PRAMEF4: variants seen among roughly 807,000 people sequenced by gnomAD.
PRAMEF4 encodes PRAME family member 4.
PRAMEF4 carries 18 observed loss-of-function variants against 34.4 expected under a neutral mutation model. That is an observed-to-expected ratio of 0.52 (90% CI 0.36 to 0.78). The LOEUF (loss-of-function observed/expected upper bound fraction) is 0.78, where lower values mean the gene tolerates loss of function less well. PRAMEF4 is among the 30% of genes least tolerant of loss of function. PRAMEF4 has a pLI of 0.00. For missense variants in PRAMEF4, 482 were observed against 569.1 expected (o/e 0.85, Z 1.56); for synonymous variants, 156 against 219.3 (o/e 0.71, Z 2.55).
intron 3 of PRAMEF4, among the ~76,000 whole-genome samples, chr1:12,880,344 G>A (rs1456566520): frequency 6.6e-6 from 1 of 150,624 alleles, no homozygotes; most frequent in Non-Finnish European, 1.5e-5. Context: ...GGGAGGCTGA[G>A]ACTGGTGGAT....
chr1:12,882,649 G>T (rs1418132492), intron 2 of PRAMEF4, among the ~76,000 whole-genome samples: 3 of 147,106 alleles, frequency 2.0e-5, no homozygotes, highest in Non-Finnish European at 4.5e-5. Context: ...AGAGTGCAGT[G>T]GTGTGATGTC....
intron 1 of PRAMEF4, among the ~76,000 whole-genome samples, chr1:12,884,434 G>T (rs533182829): frequency 2.7e-5 from 4 of 149,644 alleles, no homozygotes; most frequent in South Asian, 4.3e-4. Flanking sequence ...AACCACTTTG[G>T]CTGGGTGCAG....
intron 1 of PRAMEF4, among the ~76,000 whole-genome samples, chr1:12,883,820 G>A (rs5029852): frequency 4.1e-5 from 6 of 146,782 alleles, no homozygotes; most frequent in African/African-American, 1.3e-4. Flanking sequence ...CATTCATGGG[G>A]CATCCCTAGA....
intron 2 of PRAMEF4, 26 bp downstream of exon 2, chr1:12,883,076 C>A: frequency 6.3e-7 from 1 of 1,599,442 alleles, no homozygotes; most frequent in Non-Finnish European, 8.5e-7. Flanking sequence ...TGGGCCCTCC[C>A]CACCAGCCCA....
rs369619869 is a variant in PRAMEF4 at position 12,879,877 on chromosome 1, T to G, written c.1104A>C (p.Gln368His). The change falls in exon 4 of 4, where the codon CAA (glutamine) becomes CAC (histidine). Residue 368 changes from glutamine (Q) to histidine (H), a missense_variant. By Grantham distance (24) the Gln-to-His change is conservative. Coordinates refer to ENST00000235349, the MANE Select transcript of PRAMEF4 (RefSeq NM_001009611.4). The part of the protein sequence containing the change: ...DLDDCGIIDS[Q>H]VNAILPALSR... ...TCAGGGCAGGCAAGATGGCGTTGAC[T>G]TGGGAGTCTATGATGCCACAGTCAT... 6.2e-7 allele frequency: 1 copy of G among 1,600,316 alleles called. No homozygotes were observed. The highest frequency in any genetic ancestry group is 1.4e-5 in the African/African-American group (1 of 73,030).
At position 12,884,274 on chromosome 1, in the gene PRAMEF4, C is replaced by G. The variant is rs1161821147; in HGVS notation, c.-16-864G>C. Reference sequence around the variant, plus strand: ...TCAAGCAATCTACCCCTCTTGGCCTCCCAACATACTGGGATTATAGGTGTG... The same window carrying G: ...TCAAGCAATCTACCCCTCTTGGCCTGCCAACATACTGGGATTATAGGTGTG... On this transcript the variant is annotated intron_variant, in intron 1 of 3. Coordinates refer to ENST00000235349, the MANE Select transcript of PRAMEF4 (RefSeq NM_001009611.4). 2.0e-5 allele frequency among the ~76,000 whole-genome samples: 3 copies of G among 148,958 alleles called. No homozygotes were observed. In the East Asian group the frequency reaches 5.9e-4, roughly 29 times the overall value.
At chr1:12,880,432 C>T (rs1256101230) in intron 3 of PRAMEF4, among the ~76,000 whole-genome samples, 1 of 150,418 alleles carries the variant, frequency 6.6e-6, no homozygotes, top group African/African-American at 2.5e-5. Context: ...AAAAATTAGC[C>T]AGGTGTGGTG....
rs1358463818 is a variant in PRAMEF4, at chr1:12,883,326, T to A, written c.69A>T (p.Gln23His). ...CCTCCAGGGTGGACATGGCCAAAGC[T>A]TGGTCCCTTAGCAGGCTCCGCCCTG... ...ELAGRSLLRD[Q>H]ALAMSTLEEL... Residue 23 changes from glutamine (Q) to histidine (H), a missense_variant, in exon 2 of 4, where the codon CAA becomes CAT. This residue lies in a region of PRAMEF4 where 172 missense variants were observed against 130.2 expected (regional missense o/e 1.32). Coordinates refer to ENST00000235349, the MANE Select transcript of PRAMEF4 (RefSeq NM_001009611.4). 6.9e-6 allele frequency: 11 copies of A among 1,593,702 alleles called. 1 individual carries two copies. The highest frequency in any genetic ancestry group is 9.4e-6 in the Non-Finnish European group (11 of 1,169,554).
chr1:12,881,975 G>T lies in PRAMEF4; in HGVS notation c.754C>A (p.Pro252Thr). 6.3e-7 allele frequency: 1 copy of T among 1,587,258 alleles called. No individual in the cohort carries two copies. Among genetic ancestry groups the T allele is most frequent in the South Asian group, 1.1e-5 (1 of 90,190 alleles). The change falls in exon 3 of 4, where the codon CCA becomes ACA. Residue 252 changes from proline (P) to threonine (T), a missense_variant. Pro to Thr is a conservative substitution (Grantham distance 38, BLOSUM62 -1). This residue lies in a region of PRAMEF4 where 81 missense variants were observed against 73.1 expected (regional missense o/e 1.11). Coordinates refer to ENST00000235349, the MANE Select transcript of PRAMEF4 (RefSeq NM_001009611.4). The stretch of plus-strand genomic sequence containing the variant: ...GTAACAATCTCCTTCTTCTGCTCTG[G>T]GGAAACGTAGCGAGAGACATCCATG... ...SHMDVSRYVS[P>T]EQKKEIVTQF...
Position 12,882,310 on chromosome 1 carries a change from C to G in PRAMEF4, c.419G>C (p.Cys140Ser), listed in dbSNP as rs1226511463. The change falls in exon 3 of 4, where the codon TGT becomes TCT. Residue 140 changes from cysteine to serine, a missense_variant. By Grantham distance (112) the Cys-to-Ser change is moderately radical. Around this residue, in one of 6 missense-constraint regions of PRAMEF4, gnomAD observed 72 missense variants for 128.9 expected, o/e 0.56. Transcript: ENST00000235349. ...GGGCTGCCGTCCTTTCATCCTTGGACAGTCCTCCACTGGTTTTTTGTTCCT... is the reference window on the plus strand; with the variant it reads ...GGGCTGCCGTCCTTTCATCCTTGGAGAGTCCTCCACTGGTTTTTTGTTCCT... ...AKRNKKPVED[C>S]PRMKGRQPLT... 20 of 1,490,620 alleles carry G rather than the reference C, an allele frequency of 1.3e-5. 2 individuals are homozygous for G. The highest frequency in any genetic ancestry group is 1.8e-5 in the Non-Finnish European group (20 of 1,095,614). The allele number at this position is 1,490,620 out of a possible 1,614,324, so 92.3% of individuals were successfully genotyped here. A position where few individuals can be genotyped will look rare whatever the true frequency, so the allele number is the denominator to read the frequency against.
Position 12,882,408 on chromosome 1 carries a change from TA to T in PRAMEF4, c.320del (p.Leu107TyrfsTer37). The T allele has an allele frequency of 6.3e-7, 1 of 1,588,892 alleles. No individual in the cohort carries two copies. Reference protein sequence around the residue: ...PRRWKLQVLDLQDVCENFWMV... With the variant: ...PRRWKLQVLDXQDVCENFWMV... The stretch of plus-strand genomic sequence containing the variant: ...TCCAGAAGTTCTCACAGACATCCTG[TA>T]AATCCAGCACTTGAAGTTTCCACCT... On this transcript the variant is annotated frameshift_variant, in exon 3 of 4. Coordinates refer to ENST00000235349, the MANE Select transcript of PRAMEF4 (RefSeq NM_001009611.4). LOFTEE classifies it high-confidence loss of function.
rs1362206716 is a variant in PRAMEF4, at chr1:12,883,487, A to T, written c.-16-77T>A. The T allele has an allele frequency of 1.9e-6, 3 of 1,565,948 alleles. No homozygotes were observed. The African/African-American group carries it at 4.1e-5, about 22-fold the overall frequency. ...GCAATCTCATCCTCTCCTATGGCCA[A>T]ACTCACTGCTCTGGCAATGGTGAAA... On this transcript the variant is annotated intron_variant, in intron 1 of 3. Coordinates refer to ENST00000235349, the MANE Select transcript of PRAMEF4 (RefSeq NM_001009611.4).
intron 3 of PRAMEF4, among the ~76,000 whole-genome samples, chr1:12,880,330 C>T (rs1164292954): frequency 6.6e-6 from 1 of 150,506 alleles, no homozygotes; most frequent in Non-Finnish European, 1.5e-5. Context: ...AATCCCAGCA[C>T]TTTGGGAGGC....
chr1:12,885,182 T>A (rs1224087922), intron 1 of PRAMEF4, among the ~76,000 whole-genome samples: 19 of 150,340 alleles, frequency 1.3e-4, no homozygotes, highest in Middle Eastern at 3.2e-3. Flanking sequence ...CAGGCTGGAG[T>A]GCAGTGGCAC....
rs763056121 is a variant in PRAMEF4, at chr1:12,883,387, A to G, written c.8T>C (p.Met3Thr). The change falls in exon 2 of 4, where the codon ATG becomes ACG. Residue 3 changes from methionine to threonine, a missense_variant. Around this residue, in one of 6 missense-constraint regions of PRAMEF4, gnomAD observed 172 missense variants for 130.2 expected, o/e 1.32. Transcript: ENST00000235349. ...GAGTCTGGGTGGAGTCCAGATGCTC[A>G]TCTTCATGAATCTGCAGGGAAAACT... MK[M>T]SIWTPPRLLE... 2.1e-5 allele frequency: 34 copies of G among 1,601,200 alleles called. 3 individuals carry two copies. The highest frequency in any genetic ancestry group is 2.1e-4 in the Admixed American group (12 of 57,856).
intron 3 of PRAMEF4, among the ~76,000 whole-genome samples, 174 bp downstream of exon 3, chr1:12,881,680 A>G (rs1309746841): frequency 6.9e-6 from 1 of 144,560 alleles, no homozygotes; most frequent in African/African-American, 2.7e-5. Context: ...CTCTATTGGG[A>G]GGGTTGCATG....
chr1:12,884,687 C>A (rs1640961084), intron 1 of PRAMEF4, among the ~76,000 whole-genome samples: 1 of 147,484 alleles, frequency 6.8e-6, no homozygotes, highest in Admixed American at 7.0e-5. Context: ...TCCACTCCAG[C>A]CTGGGAAATA....
At chr1:12,884,691 G>T (rs950231210) in intron 1 of PRAMEF4, among the ~76,000 whole-genome samples, 2 of 147,436 alleles carry the variant, frequency 1.4e-5, no homozygotes, top group African/African-American at 2.5e-5. Flanking sequence ...CTCCAGCCTG[G>T]GAAATAGGCT....
intron 3 of PRAMEF4, among the ~76,000 whole-genome samples, chr1:12,880,781 T>C (rs1640873275): frequency 6.9e-6 from 1 of 144,972 alleles, no homozygotes; most frequent in African/African-American, 2.6e-5. Flanking sequence ...TCAGCTACGG[T>C]GGGCGGGCTG....
Sources: allele counts gnomAD v4.1 joint callset (sites outside exome capture counted in the v4.1 genomes callset), GRCh38; gene constraint gnomAD v4.1.1; regional missense constraint gnomAD v4.1.1; transcripts MANE v1.5; gene names NCBI Gene and HGNC (gene_info 2026-07-23, HGNC 2026-07-21).